The following ALDH6A1 variants were observed in gnomAD, a reference collection of about 807,000 sequenced individuals.
ALDH6A1 encodes the protein aldehyde dehydrogenase 6 family member A1.
ALDH6A1 carries 43 observed loss-of-function variants against 62.6 expected under a neutral mutation model. The ratio of observed to expected loss-of-function variants is 0.69; its 90% CI spans 0.54 to 0.89. ALDH6A1 has a LOEUF of 0.89. Ranked by LOEUF, ALDH6A1 falls within the 40% of genes least tolerant of loss-of-function variation. The probability of loss-of-function intolerance (pLI) is 0.00; values close to 1 mark genes in which losing one functional copy is unlikely to be tolerated. For synonymous variants in ALDH6A1, 194 were observed against 234.2 expected, an observed-to-expected ratio of 0.83 and a Z score of 1.57; for missense variants, 551 against 661.3, an observed-to-expected ratio of 0.83 and a Z score of 1.83.
At chr14:74,062,145 C>T (rs1023449049) in intron 11 of ALDH6A1, among the ~76,000 whole-genome samples, 17 of 150,734 alleles carry the variant, frequency 1.1e-4, no homozygotes, top group African/African-American at 3.2e-4. Context: ...GCAAGTGAGC[C>T]GAGAATGCAC....
chr14:74,072,972 GTATT>G (rs1464274673), intron 2 of ALDH6A1, among the ~76,000 whole-genome samples: 1 of 152,088 alleles, frequency 6.6e-6, no homozygotes, highest in Non-Finnish European at 1.5e-5. Flanking sequence ...ACTAATTTTT[GTATT>G]TTGAGTAGAG....
Position 74,057,765 on chromosome 14 carries a change from T to C in ALDH6A1, c.*2877A>G. The C allele has an allele frequency of 1.8e-6, 2 of 1,114,288 alleles. No homozygotes were observed. The highest frequency in any genetic ancestry group is 2.2e-6 in the Non-Finnish European group (2 of 903,724). 69.0% of individuals were successfully genotyped at this position (1,114,288 alleles called of 1,614,324 possible). A position where few individuals can be genotyped will look rare whatever the true frequency, so the allele number is the denominator to read the frequency against. ...AAGCCACATTAGAACAAAAAGAAAA[T>C]ACTGACTTTTTAGCCGCGATCACAT... On this transcript the variant is annotated 3_prime_UTR_variant, in exon 12 of 12. Coordinates refer to ENST00000553458, the MANE Select transcript of ALDH6A1 (RefSeq NM_005589.4).
At chr14:74,061,642 A>G (rs1465089478) in intron 11 of ALDH6A1, among the ~76,000 whole-genome samples, 2 of 152,158 alleles carry the variant, frequency 1.3e-5, no homozygotes, top group Admixed American at 1.3e-4. Flanking sequence ...TCTGATAATT[A>G]TCAGAGATCA....
In ALDH6A1 at chr14:74,071,912, A is replaced by T. The variant is rs750775712; in HGVS notation, c.411T>A (p.Asp137Glu). 1 of 1,614,204 alleles carries T rather than the reference A, an allele frequency of 6.2e-7. No individual in the cohort carries two copies. The highest frequency in any genetic ancestry group is 1.7e-5 in the Admixed American group (1 of 60,024). Residue 137 changes from aspartate (D) to glutamate (E), a missense_variant, in exon 5 of 12, where the codon GAT becomes GAA. Transcript: ENST00000553458. ...CCAGCTTACGAAGGCCTCGAAATAC[A>T]TCTCCTTCAGCATCAGCTAGGGTCT... is the stretch of plus-strand genomic sequence containing the variant. ...QGKTLADAEG[D>E]VFRGLQVVEH...
At chr14:74,068,166 C>T (rs921312481) in intron 7 of ALDH6A1, among the ~76,000 whole-genome samples, 1 of 150,256 alleles carries the variant, frequency 6.7e-6, no homozygotes, top group Admixed American at 6.6e-5. Flanking sequence ...GGGTGGATCA[C>T]TTGAGGTCAG....
Position 74,067,429 on chromosome 14 carries a change from C to T in ALDH6A1, c.993G>A (p.Lys331=), listed in dbSNP as rs140319465. The part of the protein sequence containing the change: ...STAVLVGEAK[K]WLPELVEHAK... ...CATGCTCCACCAGCTCTGGCAGCCA[C>T]TTCTTGGCTTCTCCCACAAGGACTG... Residue 331 remains lysine, a synonymous_variant, in exon 8 of 12, where the codon AAG becomes AAA. Coordinates refer to ENST00000553458, the MANE Select transcript of ALDH6A1 (RefSeq NM_005589.4). 37 of 1,614,102 alleles carry T rather than the reference C, an allele frequency of 2.3e-5. No homozygotes were observed. The African/African-American group carries it at 4.9e-4, about 22-fold the overall frequency.
chr14:74,066,920 A>T (rs778811858), intron 8 of ALDH6A1, 34 bp from the exon 9 acceptor site: 5 of 1,589,532 alleles, frequency 3.1e-6, no homozygotes, highest in Admixed American at 3.3e-5. Flanking sequence ...TAAGGTCCTC[A>T]TTAACATAAA....
chr14:74,079,428 TG>T (rs1372642093), intron 1 of ALDH6A1, among the ~76,000 whole-genome samples: 36 of 135,820 alleles, frequency 2.7e-4, no homozygotes, highest in African/African-American at 9.1e-4. Context: ...TTTTTCTTAT[TG>T]TTTTTTTTTT....
In ALDH6A1 at chr14:74,065,196, C is replaced by T. The variant is rs757443944; in HGVS notation, c.1389G>A (p.Leu463=). 1 of 1,614,102 alleles carries T rather than the reference C, an allele frequency of 6.2e-7. No individual in the cohort carries two copies. Among genetic ancestry groups the T allele is most frequent in the East Asian group, 2.2e-5 (1 of 44,882 alleles). ...GTTCACGAACCTGTCCAACATCCAC[C>T]AAGTGGGCATATTTCCGAGCAGTGG... is the stretch of plus-strand genomic sequence containing the variant. ...NGATARKYAH[L]VDVGQVGVNV... Residue 463 remains leucine, a synonymous_variant, in exon 10 of 12, where the codon TTG becomes TTA. Transcript: ENST00000553458.
At chr14:74,071,737 TA>T (rs1343616664) in intron 5 of ALDH6A1, 158 bp downstream of exon 5, 1 of 1,445,712 alleles carries the variant, frequency 6.9e-7, no homozygotes, top group Non-Finnish European at 9.5e-7. Flanking sequence ...AAATCAGTCT[TA>T]GGGATACTGA....
chr14:74,082,739 C>G (rs566461024), intron 1 of ALDH6A1: 1 of 151,992 alleles, frequency 6.6e-6, no homozygotes, highest in South Asian at 2.1e-4. Flanking sequence ...CAAAGATTCA[C>G]GTTACAACTC....
chr14:74,064,862 C>T lies in ALDH6A1; in HGVS notation c.1463G>A (p.Arg488Gln), dbSNP rs147635769. The T allele has an allele frequency of 9.9e-6, 16 of 1,613,864 alleles. No individual in the cohort carries two copies. The highest frequency in any genetic ancestry group is 9.3e-5 in the African/African-American group (7 of 74,868). ...ATTGGTGTCTCCCCTGAAGGAGGATCGAGAGCCGGTGAATGAGAACATTGG... is the reference window on the plus strand; with the variant it reads ...ATTGGTGTCTCCCCTGAAGGAGGATTGAGAGCCGGTGAATGAGAACATTGG... ...PLPMFSFTGS[R>Q]SSFRGDTNFY... Residue 488 changes from arginine to glutamine, a missense_variant, in exon 11 of 12, where the codon CGA becomes CAA. Physicochemically the swap from Arg to Gln is conservative, Grantham distance 43 (BLOSUM62 1). Coordinates refer to ENST00000553458, the MANE Select transcript of ALDH6A1 (RefSeq NM_005589.4).
At chr14:74,068,556 T>C (rs541371946) in intron 7 of ALDH6A1, among the ~76,000 whole-genome samples, 1 of 151,996 alleles carries the variant, frequency 6.6e-6, no homozygotes, top group East Asian at 1.9e-4. Flanking sequence ...CTGGCCAACA[T>C]GGTGAAACCC....
At chr14:74,080,188 C>A (rs1248796941) in intron 1 of ALDH6A1, among the ~76,000 whole-genome samples, 2 of 152,050 alleles carry the variant, frequency 1.3e-5, no homozygotes, top group Non-Finnish European at 2.9e-5. Flanking sequence ...ATTCCAATTC[C>A]TCCCTCTCTC....
intron 1 of ALDH6A1, among the ~76,000 whole-genome samples, chr14:74,078,772 GC>G: frequency 6.6e-6 from 1 of 151,460 alleles, no homozygotes; most frequent in African/African-American, 2.4e-5. Flanking sequence ...CAAGTGATCT[GC>G]CTGCCTCAGC....
At chr14:74,074,340 G>A (rs577194127) in intron 2 of ALDH6A1, among the ~76,000 whole-genome samples, 15 of 148,732 alleles carry the variant, frequency 1.0e-4, no homozygotes, top group Non-Finnish European at 1.9e-4. Flanking sequence ...AGGCTGGAGT[G>A]CAATGGTGCG....
intron 1 of ALDH6A1, among the ~76,000 whole-genome samples, chr14:74,077,550 T>G (rs1489464778): frequency 2.0e-5 from 3 of 152,030 alleles, no homozygotes; most frequent in African/African-American, 7.2e-5. Context: ...GAGGCAAAAC[T>G]GGGGGGGTAT....
rs369414700 is a variant in ALDH6A1, at chr14:74,062,051, G to GAAAA, written c.1504-1309_1504-1306dup. ...CATGGCGAAACCTCGTCTCTACTGG[G>GAAAA]AAAAAAAAAAAAAAAAAAAAAAAAA... is the stretch of plus-strand genomic sequence containing the variant. On this transcript the variant is annotated intron_variant, in intron 11 of 11. Transcript: ENST00000553458. 1.9e-3 allele frequency among the ~76,000 whole-genome samples: 115 copies of GAAAA among 59,606 alleles called. 1 individual carries two copies. Among genetic ancestry groups the GAAAA allele is most frequent in the African/African-American group, 6.4e-3 (108 of 16,964 alleles). 39.1% of individuals were successfully genotyped at this position (59,606 alleles called of 152,430 possible).
Position 74,057,646 on chromosome 14 carries a change from A to AT in ALDH6A1, c.*2995dup. 2 of 1,331,076 alleles carry AT rather than the reference A, an allele frequency of 1.5e-6. No individual in the cohort carries two copies. The highest frequency in any genetic ancestry group is 4.6e-5 in the East Asian group (1 of 21,896). 82.5% of individuals were successfully genotyped at this position (1,331,076 alleles called of 1,614,324 possible). ...AAGGCTTATAAGGAGATATGAAATG[A>AT]TTTTTTTAAGCCAAGTTTTTCTCTT... On this transcript the variant is annotated 3_prime_UTR_variant, in exon 12 of 12. Coordinates refer to ENST00000553458, the MANE Select transcript of ALDH6A1 (RefSeq NM_005589.4).
Sources: gnomAD v4.1 joint callset for allele counts (sites outside exome capture counted in the v4.1 genomes callset) on GRCh38, gnomAD v4.1.1 for gene constraint, MANE v1.5 for transcripts, NCBI Gene and HGNC (gene_info 2026-07-23, HGNC 2026-07-21) for gene names.